The following SYK variants were observed in gnomAD, a reference collection of about 807,000 sequenced individuals.
SYK encodes tyrosine-protein kinase SYK.
A neutral mutation model predicts 77.8 loss-of-function variants in SYK; 16 were observed. The ratio of observed to expected loss-of-function variants is 0.21; its 90% CI spans 0.14 to 0.31. The LOEUF (loss-of-function observed/expected upper bound fraction) is 0.31. Among genes scored for constraint, SYK ranks in the 10% least tolerant of loss-of-function variants. SYK has a pLI of 1.00. For missense variants in SYK, 529 were observed against 814.4 expected, an observed-to-expected ratio of 0.65 and a Z score of 4.26; for synonymous variants, 312 against 308.7, an observed-to-expected ratio of 1.01 and a Z score of -0.11.
At chr9:90,812,776 TGTGAGAGA>T (rs1825136670) in intron 1 of SYK, among the ~76,000 whole-genome samples, 2 of 91,474 alleles carry the variant, frequency 2.2e-5, no homozygotes, top group South Asian at 4.5e-4. Context: ...TGTGTGTGTG[TGTGAGAGA>T]GAGAGATTGA....
intron 10 of SYK, 25 bp from the exon 11 acceptor site, chr9:90,878,739 C>T (rs77886969): frequency 5.0e-6 from 8 of 1,588,272 alleles, no homozygotes; most frequent in African/African-American, 1.3e-5. Flanking sequence ...TCTGTTATAG[C>T]TGATGAGATC....
Position 90,843,887 on chromosome 9 carries a change from G to A in SYK, c.-12G>A, listed in dbSNP as rs200373424. ...ACACCTGCGCAGGTGTGTGCCCTCC[G>A]GCCCCTGAAGCATGGCCAGCAGCGG... On this transcript the variant is annotated 5_prime_UTR_variant, in exon 2 of 14. Transcript: ENST00000375754. 2.4e-5 allele frequency: 36 copies of A among 1,508,478 alleles called. No individual in the cohort carries two copies. The highest frequency in any genetic ancestry group is 2.7e-5 in the Non-Finnish European group (31 of 1,127,814). The allele number at this position is 1,508,478 out of a possible 1,614,324, so 93.4% of individuals were successfully genotyped here. A position where few individuals can be genotyped will look rare whatever the true frequency, so the allele number is the denominator to read the frequency against.
At position 90,864,324 on chromosome 9, in the gene SYK, A is replaced by G. The variant is rs530838423; in HGVS notation, c.718-265A>G. Among the ~76,000 whole-genome samples, 6 of 152,340 alleles carry G rather than the reference A, an allele frequency of 3.9e-5. No individual in the cohort carries two copies. The South Asian group carries it at 1.0e-3, about 26-fold the overall frequency. On this transcript the variant is annotated intron_variant, in intron 4 of 13. Coordinates refer to ENST00000375754, the MANE Select transcript of SYK (RefSeq NM_003177.7). ...ATAAATAAATAAACAAAGGACACAG[A>G]TACGGTATGAGGCCCACAAAAGCCT... is the stretch of plus-strand genomic sequence containing the variant.
At chr9:90,854,168 G>T (rs1261116203) in intron 3 of SYK, among the ~76,000 whole-genome samples, 2 of 152,206 alleles carry the variant, frequency 1.3e-5, no homozygotes, top group Admixed American at 6.5e-5. Flanking sequence ...CTGGCCGGGT[G>T]GTGGAGGGAT....
intron 13 of SYK, among the ~76,000 whole-genome samples, chr9:90,889,330 C>T (rs1412653656): frequency 1.3e-5 from 2 of 152,236 alleles, no homozygotes; most frequent in Admixed American, 6.5e-5. Context: ...CCGCCATCTC[C>T]AGTTCCCTGG....
intron 1 of SYK, among the ~76,000 whole-genome samples, chr9:90,827,083 G>T (rs990782530): frequency 2.0e-5 from 3 of 151,874 alleles, no homozygotes; most frequent in African/African-American, 7.3e-5. Flanking sequence ...TTATGATGTA[G>T]GACTTTTTAA....
At chr9:90,830,729 G>A (rs1020213256) in intron 1 of SYK, among the ~76,000 whole-genome samples, 2 of 152,016 alleles carry the variant, frequency 1.3e-5, no homozygotes, top group African/African-American at 4.8e-5. Context: ...GGGACTACAG[G>A]CGCCCACCAC....
chr9:90,868,833 A>G (rs1308105307), intron 7 of SYK, among the ~76,000 whole-genome samples: 2 of 152,216 alleles, frequency 1.3e-5, no homozygotes, highest in African/African-American at 4.8e-5. Flanking sequence ...TTTGTGTGAA[A>G]TCATGTACAT....
chr9:90,870,336 T>C (rs1162729874), intron 7 of SYK, among the ~76,000 whole-genome samples: 1 of 152,176 alleles, frequency 6.6e-6, no homozygotes, highest in South Asian at 2.1e-4. Context: ...ACTTTTCAGC[T>C]TTGCATTTCA....
intron 3 of SYK, among the ~76,000 whole-genome samples, chr9:90,856,862 C>A (rs771711233): frequency 1.3e-5 from 2 of 152,134 alleles, no homozygotes; most frequent in East Asian, 1.9e-4. Flanking sequence ...CTGTGGGAAT[C>A]CTGAGTATTC....
At chr9:90,829,923 G>A (rs1825817804) in intron 1 of SYK, among the ~76,000 whole-genome samples, 1 of 152,208 alleles carries the variant, frequency 6.6e-6, no homozygotes, top group South Asian at 2.1e-4. Context: ...CTATGTGTTG[G>A]TTGAGATAGA....
In SYK at chr9:90,874,454, T is replaced by C. The variant is rs569619263; in HGVS notation, c.1003+163T>C. On this transcript the variant is annotated intron_variant, in intron 8 of 13. Transcript: ENST00000375754. ...CTAGTGGCAGGCAGCAGGCACCACA[T>C]GCCCATGAGCAGTGATGGTGCTATT... Among the ~76,000 whole-genome samples, 6 of 152,306 alleles carry C rather than the reference T, an allele frequency of 3.9e-5. No individual in the cohort carries two copies. The East Asian group carries it at 1.2e-3, about 29-fold the overall frequency.
In SYK at chr9:90,895,698, T is replaced by A; in HGVS notation, c.*98T>A. On this transcript the variant is annotated 3_prime_UTR_variant, in exon 14 of 14. Transcript: ENST00000375754. The surrounding 1 kb of genome is among the most constrained non-coding windows in gnomAD (Gnocchi z 4.4). The stretch of plus-strand genomic sequence containing the variant: ...ATTGTCAGCCACCTCCCTCTGCCAG[T>A]CGGGAGAGCCAGGCTTGGATGGAAC... 1 of 1,161,518 alleles carries A rather than the reference T, an allele frequency of 8.6e-7. No individual in the cohort carries two copies. Among genetic ancestry groups the A allele is most frequent in the Non-Finnish European group, 1.3e-6 (1 of 787,236 alleles). 72.0% of individuals were successfully genotyped at this position (1,161,518 alleles called of 1,614,324 possible). A position where few individuals can be genotyped will look rare whatever the true frequency, so the allele number is the denominator to read the frequency against.
In SYK at chr9:90,888,506, A is replaced by G. The variant is rs1322718050; in HGVS notation, c.1723-9A>G. 2 of 1,582,580 alleles carry G rather than the reference A, an allele frequency of 1.3e-6. No individual in the cohort carries two copies. The highest frequency in any genetic ancestry group is 8.5e-7 in the Non-Finnish European group (1 of 1,169,732). The stretch of plus-strand genomic sequence containing the variant: ...AAAAAAAAGCTTATGCATATCTTGC[A>G]TGTTGTAGGGGATGAAAGGAAGTGA... On this transcript the variant is annotated splice_polypyrimidine_tract_variant and intron_variant, in intron 12 of 13. Transcript: ENST00000375754.
chr9:90,861,995 C>T (rs1827282551), intron 3 of SYK, among the ~76,000 whole-genome samples: 1 of 152,220 alleles, frequency 6.6e-6, no homozygotes. Context: ...CAAGCTTGCC[C>T]ACTGGCATCA....
intron 1 of SYK, among the ~76,000 whole-genome samples, chr9:90,837,582 A>C (rs780778351): frequency 1.3e-5 from 2 of 152,028 alleles, no homozygotes; most frequent in Non-Finnish European, 2.9e-5. Context: ...CTGGTCAAGG[A>C]GAGCCTTGTG....
chr9:90,897,566 C>T lies in SYK; in HGVS notation c.*1966C>T, dbSNP rs148015317. The T allele has an allele frequency of 6.2e-4, 142 of 230,430 alleles. No individual in the cohort carries two copies. In the East Asian group the frequency reaches 7.8e-3, roughly 13 times the overall value. 14.3% of individuals were successfully genotyped at this position (230,430 alleles called of 1,614,324 possible). ...CAGAGGGAGTCTTCAACACAGGCCC[C>T]GTGCTCGTAGGAATACGGTAGCACC... On this transcript the variant is annotated 3_prime_UTR_variant, in exon 14 of 14. Coordinates refer to ENST00000375754, the MANE Select transcript of SYK (RefSeq NM_003177.7).
chr9:90,837,553 G>C (rs1217233333), intron 1 of SYK, among the ~76,000 whole-genome samples: 1 of 152,022 alleles, frequency 6.6e-6, no homozygotes, highest in African/African-American at 2.4e-5. Context: ...TGAGCAAGGT[G>C]AGGTTGCAGG....
At chr9:90,861,786 A>T (rs1464194554) in intron 3 of SYK, among the ~76,000 whole-genome samples, 4 of 152,294 alleles carry the variant, frequency 2.6e-5, no homozygotes, top group Non-Finnish European at 4.4e-5. Context: ...TCTAACCCAA[A>T]TGCAGGCCCT....
Sources: allele counts gnomAD v4.1 joint callset (sites outside exome capture counted in the v4.1 genomes callset), GRCh38; gene constraint gnomAD v4.1.1; non-coding constraint Gnocchi (gnomAD v3.1); transcripts MANE v1.5; gene names NCBI Gene and HGNC (gene_info 2026-07-23, HGNC 2026-07-21).